Variants in RORA observed in about 807,000 individuals in gnomAD.
The protein encoded by RORA is nuclear receptor ROR-alpha.
In RORA, 7 loss-of-function variants were observed where a neutral mutation model predicts 69.5. The observed-to-expected ratio is 0.10, with a 90% CI of 0.06 to 0.19. The LOEUF (loss-of-function observed/expected upper bound fraction) is 0.19, where lower values mean the gene tolerates loss of function less well. Ranked by LOEUF, RORA falls within the 10% of genes least tolerant of loss-of-function variation. The pLI is 1.00. For synonymous variants in RORA, 261 were observed against 240.8 expected (o/e 1.08, Z -0.78); for missense variants, 457 against 663.0 (o/e 0.69, Z 3.41).
intron 1 of RORA, among the ~76,000 whole-genome samples, chr15:60,697,217 T>C (rs796374786): frequency 1.8e-4 from 27 of 152,212 alleles, no homozygotes; most frequent in African/African-American, 6.5e-4. Flanking sequence ...TTATAGAATT[T>C]CAAGTAATTT....
At chr15:60,801,638 G>A (rs1283000645) in intron 1 of RORA, among the ~76,000 whole-genome samples, 1 of 152,206 alleles carries the variant, frequency 6.6e-6, no homozygotes, top group Non-Finnish European at 1.5e-5. Context: ...AAGCTCTCTG[G>A]CCTCAAATGC....
intron 1 of RORA, among the ~76,000 whole-genome samples, chr15:60,792,536 A>G (rs959908402): frequency 1.3e-5 from 2 of 152,226 alleles, no homozygotes; most frequent in African/African-American, 4.8e-5. Context: ...GTCGAAAGAT[A>G]AAGAGAACAT....
intron 1 of RORA, among the ~76,000 whole-genome samples, chr15:60,952,661 A>G (rs1893145041): frequency 1.3e-5 from 2 of 152,180 alleles, no homozygotes; most frequent in Non-Finnish European, 2.9e-5. Context: ...ACAAACAGAG[A>G]GCCAAATCAT....
chr15:61,009,729 C>A (rs992577920), intron 1 of RORA, among the ~76,000 whole-genome samples: 17 of 152,150 alleles, frequency 1.1e-4, no homozygotes, highest in African/African-American at 4.1e-4. Context: ...AAAGCTCTAT[C>A]CTGAGGTAAA....
At position 60,501,013 on chromosome 15, in the gene RORA, G is replaced by A. The variant is rs1414348580; in HGVS notation, c.1240C>T (p.His414Tyr). 6.2e-7 allele frequency: 1 copy of A among 1,610,896 alleles called. No individual in the cohort carries two copies. The highest frequency in any genetic ancestry group is 1.1e-5 in the South Asian group (1 of 90,924). Residue 414 changes from histidine to tyrosine, a missense_variant, in exon 9 of 11, where the codon CAC becomes TAC. Transcript: ENST00000335670. ...AATGCAATTTCATCTTCAGTCAGGT[G>A]CATAGAACATAAACTCTTTCCAAAT... The part of the protein sequence containing the change: ...FEFGKSLCSM[H>Y]LTEDEIALFS...
At chr15:60,914,412 A>G (rs569767025) in intron 1 of RORA, among the ~76,000 whole-genome samples, 1 of 152,314 alleles carries the variant, frequency 6.6e-6, no homozygotes, top group African/African-American at 2.4e-5. Flanking sequence ...CTCCTTACAT[A>G]CAACCCCAGT....
At chr15:61,052,412 C>T (rs1321431695) in intron 1 of RORA, among the ~76,000 whole-genome samples, 1 of 152,230 alleles carries the variant, frequency 6.6e-6, no homozygotes, top group Non-Finnish European at 1.5e-5. Flanking sequence ...TTACAGTTAA[C>T]TCCAGTGGTG....
intron 3 of RORA, among the ~76,000 whole-genome samples, chr15:60,526,498 A>T (rs1041818776): frequency 1.3e-5 from 2 of 152,240 alleles, no homozygotes; most frequent in African/African-American, 2.4e-5. Flanking sequence ...AATAAAAAAA[A>T]ATCTGAATCA....
intron 1 of RORA, among the ~76,000 whole-genome samples, chr15:61,224,915 T>G (rs1305810037): frequency 3.3e-5 from 5 of 152,162 alleles, no homozygotes; most frequent in Admixed American, 2.0e-4. Context: ...GGCTCCATAC[T>G]TCAGTTTCAG....
rs140036583 is a variant in RORA, at chr15:60,969,811, G to A, written c.166+259242C>T. Among the ~76,000 whole-genome samples, 8 of 152,292 alleles carry A rather than the reference G, an allele frequency of 5.3e-5. No individual in the cohort carries two copies. In the East Asian group the frequency reaches 1.5e-3, roughly 29 times the overall value. On this transcript the variant is annotated intron_variant, in intron 1 of 10. Transcript: ENST00000335670. The stretch of plus-strand genomic sequence containing the variant: ...CTCTGCAACCTTGCACTAGTTTCCT[G>A]TTATGGGCTGAATGTTTGTGTTCCC...
At chr15:60,717,131 CAGTGTTAGAATTGAATGGA>C (rs764837175) in intron 1 of RORA, among the ~76,000 whole-genome samples, 2 of 152,068 alleles carry the variant, frequency 1.3e-5, no homozygotes, top group Non-Finnish European at 2.9e-5. Flanking sequence ...TCCAGGTAAA[CAGTGTTAGAATTGAATGGA>C]AGGGTACCCA....
intron 1 of RORA, among the ~76,000 whole-genome samples, chr15:60,806,982 T>C (rs995880967): frequency 1.3e-5 from 2 of 152,144 alleles, no homozygotes; most frequent in African/African-American, 4.8e-5. Flanking sequence ...GTTTAAAGCA[T>C]TCCCCCTGAG....
chr15:60,963,361 C>T (rs928131132), intron 1 of RORA, among the ~76,000 whole-genome samples: 10 of 152,156 alleles, frequency 6.6e-5, no homozygotes, highest in Admixed American at 1.3e-4. Context: ...GTTGACTAAG[C>T]AGAGGTCTTA....
At chr15:60,996,126 A>G (rs971215781) in intron 1 of RORA, among the ~76,000 whole-genome samples, 12 of 151,052 alleles carry the variant, frequency 7.9e-5, no homozygotes, top group African/African-American at 1.9e-4. Context: ...GCTGCAGTAC[A>G]GTGGTGAGAT....
intron 1 of RORA, among the ~76,000 whole-genome samples, chr15:60,696,807 T>C (rs1034472186): frequency 5.9e-5 from 9 of 152,190 alleles, no homozygotes; most frequent in African/African-American, 2.2e-4. Flanking sequence ...CTAAATGCAT[T>C]ATTTCTGCTG....
Position 60,670,931 on chromosome 15 carries a change from G to A in RORA, c.196+7726C>T, listed in dbSNP as rs545516708. Among the ~76,000 whole-genome samples, 5 of 151,966 alleles carry A rather than the reference G, an allele frequency of 3.3e-5. No individual in the cohort carries two copies. In the South Asian group the frequency reaches 8.3e-4, roughly 25 times the overall value. The stretch of plus-strand genomic sequence containing the variant: ...ACATTGGCATCTCTGTTTCTTCTAC[G>A]TTTTTATTCCTCTGCGTACAGATTG... On this transcript the variant is annotated intron_variant, in intron 2 of 10. Coordinates refer to ENST00000335670, the MANE Select transcript of RORA (RefSeq NM_134261.3).
chr15:60,826,789 CT>C lies in RORA; in HGVS notation c.167-148104del, dbSNP rs71904757. On this transcript the variant is annotated intron_variant, in intron 1 of 10. Coordinates refer to ENST00000335670, the MANE Select transcript of RORA (RefSeq NM_134261.3). ...TCCCTCTCTCTCTCTCTCTCTCTCT[CT>C]TTTTTTTTTAAAGACACACCTGTTC... is the stretch of plus-strand genomic sequence containing the variant. Among the ~76,000 whole-genome samples, 342 of 99,336 alleles carry C rather than the reference CT, an allele frequency of 3.4e-3. 1 individual carries two copies. The highest frequency in any genetic ancestry group is 4.7e-3 in the Non-Finnish European group (213 of 44,892). The allele number at this position is 99,336 out of a possible 152,430, so 65.2% of individuals were successfully genotyped here. A position where few individuals can be genotyped will look rare whatever the true frequency, so the allele number is the denominator to read the frequency against.
At chr15:61,046,270 A>G (rs1482290163) in intron 1 of RORA, among the ~76,000 whole-genome samples, 1 of 152,222 alleles carries the variant, frequency 6.6e-6, no homozygotes, top group Non-Finnish European at 1.5e-5. Context: ...GCTGGAGGGC[A>G]CTGTACACAC....
chr15:60,948,985 G>A (rs1892994516), intron 1 of RORA, among the ~76,000 whole-genome samples: 1 of 152,212 alleles, frequency 6.6e-6, no homozygotes, highest in South Asian at 2.1e-4. Flanking sequence ...GAAACAGGCA[G>A]AGTTGAGTAG....
Sources: gnomAD v4.1 joint callset for allele counts (sites outside exome capture counted in the v4.1 genomes callset) on GRCh38, gnomAD v4.1.1 for gene constraint, MANE v1.5 for transcripts, NCBI Gene and HGNC (gene_info 2026-07-23, HGNC 2026-07-21) for gene names.